Variants in EEF1AKMT1 observed in about 807,000 individuals in gnomAD.
EEF1AKMT1 encodes the protein EEF1A lysine methyltransferase 1.
A neutral mutation model predicts 21.0 loss-of-function variants in EEF1AKMT1; 18 were observed. The ratio of observed to expected loss-of-function variants is 0.86; its 90% CI spans 0.59 to 1.27. The LOEUF (loss-of-function observed/expected upper bound fraction) is 1.27, where lower values mean the gene tolerates loss of function less well. EEF1AKMT1 is among the 50% of genes most tolerant of loss of function. The pLI, the probability that EEF1AKMT1 is intolerant of heterozygous loss-of-function variation, is 0.00. For synonymous variants in EEF1AKMT1, 109 were observed against 94.8 expected, an observed-to-expected ratio of 1.15 and a Z score of -0.87; for missense variants, 246 against 258.6, an observed-to-expected ratio of 0.95 and a Z score of 0.33.
chr13:20,768,004 GT>G (rs2059044924), intron 1 of EEF1AKMT1, among the ~76,000 whole-genome samples: 2 of 152,138 alleles, frequency 1.3e-5, no homozygotes, highest in Admixed American at 6.5e-5. Context: ...CATATTTCCA[GT>G]TCACATGTTC....
At chr13:20,736,127 C>T (rs1227117244) in intron 3 of EEF1AKMT1, among the ~76,000 whole-genome samples, 1 of 152,068 alleles carries the variant, frequency 6.6e-6, no homozygotes, top group African/African-American at 2.4e-5. Flanking sequence ...GGACCCAGGA[C>T]AATAGATAAA....
chr13:20,735,410 G>A (rs1214194681), intron 3 of EEF1AKMT1, among the ~76,000 whole-genome samples: 1 of 152,116 alleles, frequency 6.6e-6, no homozygotes, highest in Non-Finnish European at 1.5e-5. Flanking sequence ...CAGGCACAGC[G>A]GTTGATGATG....
rs188590533 is a variant in EEF1AKMT1, at chr13:20,763,492, G to A, written c.-19-5875C>T. 3.0e-3 allele frequency among the ~76,000 whole-genome samples: 455 copies of A among 150,100 alleles called. 1 individual carries two copies. Among genetic ancestry groups the A allele is most frequent in the Non-Finnish European group, 3.5e-3 (234 of 67,648 alleles). ...TTTGAAACAGAATTTTGCTATTGTC[G>A]CCCAGGCTGGAGTGCAATGGCTCGA... On this transcript the variant is annotated intron_variant, in intron 1 of 4. Coordinates refer to ENST00000382758, the MANE Select transcript of EEF1AKMT1 (RefSeq NM_001318939.2).
intron 2 of EEF1AKMT1, among the ~76,000 whole-genome samples, chr13:20,756,163 A>G (rs907551433): frequency 6.6e-6 from 1 of 152,224 alleles, no homozygotes; most frequent in African/African-American, 2.4e-5. Flanking sequence ...TCAAAAAATG[A>G]TAAGCATACA....
chr13:20,729,066 G>A lies in EEF1AKMT1; in HGVS notation c.*14C>T, dbSNP rs373462416. On this transcript the variant is annotated 3_prime_UTR_variant, in exon 5 of 5. Transcript: ENST00000382758. ...GTGACAGGGTTCCTTCCTGTGTTAT[G>A]TCACCGTCTGTAATCAGATCCCACA... is the stretch of plus-strand genomic sequence containing the variant. 108 of 1,613,882 alleles carry A rather than the reference G, an allele frequency of 6.7e-5. No individual in the cohort carries two copies. The highest frequency in any genetic ancestry group is 8.8e-5 in the Non-Finnish European group (104 of 1,179,974).
At chr13:20,743,960 C>T (rs997523867) in intron 2 of EEF1AKMT1, among the ~76,000 whole-genome samples, 1 of 152,012 alleles carries the variant, frequency 6.6e-6, no homozygotes, top group African/African-American at 2.4e-5. Flanking sequence ...GTTTTCTGTT[C>T]CTGTGTTAGC....
In EEF1AKMT1 at chr13:20,757,439, A is replaced by G. The variant is rs529871028; in HGVS notation, c.144+16T>C. 6.2e-7 allele frequency: 1 copy of G among 1,613,526 alleles called. No individual in the cohort carries two copies. Among genetic ancestry groups the G allele is most frequent in the East Asian group, 2.2e-5 (1 of 44,856 alleles). On this transcript the variant is annotated intron_variant, in intron 2 of 4. Transcript: ENST00000382758. The stretch of plus-strand genomic sequence containing the variant: ...ACATCAATACTTCCTGATGGCTGTG[A>G]AATGCATTTACTTACCCAATTCTCT...
intron 2 of EEF1AKMT1, among the ~76,000 whole-genome samples, chr13:20,750,486 C>T (rs970474938): frequency 3.3e-5 from 5 of 152,090 alleles, no homozygotes; most frequent in African/African-American, 1.2e-4. Context: ...ACATAATGAC[C>T]TCCCGTTCCA....
chr13:20,773,153 T>C (rs2059070470), intron 1 of EEF1AKMT1, among the ~76,000 whole-genome samples: 1 of 152,228 alleles, frequency 6.6e-6, no homozygotes, highest in South Asian at 2.1e-4. Context: ...TCCAGAATTC[T>C]ATTTATCCTG....
intron 2 of EEF1AKMT1, among the ~76,000 whole-genome samples, chr13:20,751,900 T>C (rs917380403): frequency 6.6e-6 from 1 of 152,198 alleles, no homozygotes; most frequent in Admixed American, 6.5e-5. Flanking sequence ...TTCTTTTTTT[T>C]GTAGCTATTG....
intron 2 of EEF1AKMT1, among the ~76,000 whole-genome samples, chr13:20,746,341 C>A (rs1449961307): frequency 6.6e-6 from 1 of 152,032 alleles, no homozygotes; most frequent in Non-Finnish European, 1.5e-5. Flanking sequence ...TTAGTAGAGA[C>A]GGGGTTTCAC....
chr13:20,763,778 T>G (rs2059013117), intron 1 of EEF1AKMT1, among the ~76,000 whole-genome samples: 1 of 152,124 alleles, frequency 6.6e-6, no homozygotes, highest in Non-Finnish European at 1.5e-5. Flanking sequence ...TGAGAGGCCT[T>G]TAACTGCAAA....
In EEF1AKMT1 at chr13:20,728,908, C is replaced by T. The variant is rs756166175; in HGVS notation, c.*172G>A. The T allele has an allele frequency of 7.9e-6, 6 of 761,602 alleles. No homozygotes were observed. The highest frequency in any genetic ancestry group is 1.3e-5 in the Non-Finnish European group (6 of 476,886). The allele number at this position is 761,602 out of a possible 1,614,324, so 47.2% of individuals were successfully genotyped here. On this transcript the variant is annotated 3_prime_UTR_variant, in exon 5 of 5. Coordinates refer to ENST00000382758, the MANE Select transcript of EEF1AKMT1 (RefSeq NM_001318939.2). ...TTGGCAGAAGACTGAGCTCTAGGGACGCCCTCCCTAAGGAAACAATAATGA... is the reference window on the plus strand; with the variant it reads ...TTGGCAGAAGACTGAGCTCTAGGGATGCCCTCCCTAAGGAAACAATAATGA...
chr13:20,741,456 CTTTTTTTT>C (rs562645355), intron 2 of EEF1AKMT1, among the ~76,000 whole-genome samples: 295 of 112,210 alleles, frequency 2.6e-3, no homozygotes, highest in South Asian at 0.01. Context: ...ATTGTAATTA[CTTTTTTTT>C]TTTTTTTTTT....
chr13:20,743,406 CTTGACT>C (rs923361669), intron 2 of EEF1AKMT1, among the ~76,000 whole-genome samples: 2 of 151,278 alleles, frequency 1.3e-5, no homozygotes, highest in African/African-American at 4.9e-5. Flanking sequence ...TTTAATCCAC[CTTGACT>C]TTAATTTTGT....
intron 2 of EEF1AKMT1, among the ~76,000 whole-genome samples, chr13:20,755,707 A>G (rs2058968119): frequency 6.6e-6 from 1 of 152,238 alleles, no homozygotes; most frequent in Non-Finnish European, 1.5e-5. Flanking sequence ...GGAGGCAAGT[A>G]CCCAATACCT....
At chr13:20,767,033 G>A (rs754141266) in intron 1 of EEF1AKMT1, among the ~76,000 whole-genome samples, 10 of 152,092 alleles carry the variant, frequency 6.6e-5, no homozygotes, top group African/African-American at 1.2e-4. Flanking sequence ...TGGGCCAGGC[G>A]CGGTGACTCA....
Position 20,773,469 on chromosome 13 carries a change from C to T in EEF1AKMT1, c.-20+452G>A, listed in dbSNP as rs2059073371. Among the ~76,000 whole-genome samples, 4 of 152,220 alleles carry T rather than the reference C, an allele frequency of 2.6e-5. No homozygotes were observed. In the South Asian group the frequency reaches 8.3e-4, roughly 32 times the overall value. Reference sequence around the variant, plus strand: ...AGCGACAGGCGCCGCGGGTGCCCGCCCTCCAGGAGCGGACAGTCAGGCCTG... The same window carrying T: ...AGCGACAGGCGCCGCGGGTGCCCGCTCTCCAGGAGCGGACAGTCAGGCCTG... On this transcript the variant is annotated intron_variant, in intron 1 of 4. Coordinates refer to ENST00000382758, the MANE Select transcript of EEF1AKMT1 (RefSeq NM_001318939.2).
chr13:20,744,613 A>G (rs1462703782), intron 2 of EEF1AKMT1, among the ~76,000 whole-genome samples: 4 of 151,974 alleles, frequency 2.6e-5, no homozygotes, highest in Non-Finnish European at 5.9e-5. Flanking sequence ...GATTGCAAAA[A>G]TTTTCTCCCA....
Sources: allele counts gnomAD v4.1 joint callset (sites outside exome capture counted in the v4.1 genomes callset), GRCh38; gene constraint gnomAD v4.1.1; transcripts MANE v1.5; gene names NCBI Gene and HGNC (gene_info 2026-07-23, HGNC 2026-07-21).